The following DIDO1 variants were observed in gnomAD, a reference collection of about 807,000 sequenced individuals.
DIDO1 encodes death inducer-obliterator 1.
A neutral mutation model predicts 99.4 loss-of-function variants in DIDO1; 16 were observed. The observed-to-expected ratio is 0.16, with a 90% CI of 0.11 to 0.24. The LOEUF is 0.24. Among genes scored for constraint, DIDO1 ranks in the 10% least tolerant of loss-of-function variants. DIDO1 has a pLI of 1.00. For missense variants in DIDO1, 2,996 were observed against 3,014.0 expected (o/e 0.99, Z 0.14); for synonymous variants, 1,366 against 1,239.1 (o/e 1.10, Z -2.15).
intron 6 of DIDO1, among the ~76,000 whole-genome samples, chr20:62,897,311 G>A (rs1039788624): frequency 5.9e-5 from 9 of 152,198 alleles, no homozygotes; most frequent in African/African-American, 2.2e-4. Context: ...CAAAGCTGAA[G>A]GACAATTTCC....
At chr20:62,921,632 A>ATT (rs34536561) in intron 1 of DIDO1, among the ~76,000 whole-genome samples, 4 of 133,716 alleles carry the variant, frequency 3.0e-5, no homozygotes, top group African/African-American at 5.7e-5. Context: ...GCTGCAGCCA[A>ATT]TTTTTTTTTT....
Position 62,910,932 on chromosome 20 carries a change from G to A in DIDO1, c.681C>T (p.Ser227=), listed in dbSNP as rs1025079483. The change falls in exon 3 of 16, where the codon TCC becomes TCT. Residue 227 remains serine, a synonymous_variant. Transcript: ENST00000395343. ...QEPENDQGVV[S]QAGKDDRESK... ...TCTCTCTGTCATCTTTCCCAGCCTG[G>A]GACACAACCCCCTGATCGTTCTCGG... 1.2e-6 allele frequency: 2 copies of A among 1,613,950 alleles called. No individual in the cohort carries two copies. The highest frequency in any genetic ancestry group is 2.7e-5 in the African/African-American group (2 of 74,872).
At position 62,911,462 on chromosome 20, in the gene DIDO1, G is replaced by A. The variant is rs751257985; in HGVS notation, c.151C>T (p.Pro51Ser). ...GDAEADPLEP[P>S]PPQQQLGLSL... is the part of the protein sequence containing the mutation. ...AGGCCCAGCTGCTGCTGTGGGGGTG[G>A]CGGCTCCAGTGGGTCAGCCTCCGCG... The change falls in exon 3 of 16, where the codon CCA becomes TCA. Residue 51 changes from proline (P) to serine (S), a missense_variant. Pro to Ser is a moderately conservative substitution (Grantham distance 74). Around this residue, in one of 5 missense-constraint regions of DIDO1, gnomAD observed 388 missense variants for 376.6 expected, o/e 1.03. Coordinates refer to ENST00000395343, the MANE Select transcript of DIDO1 (RefSeq NM_001193369.2). The surrounding 1 kb of genome is among the most constrained non-coding windows in gnomAD (Gnocchi z 7.0). 8.7e-6 allele frequency: 14 copies of A among 1,611,994 alleles called. No individual in the cohort carries two copies. In the East Asian group the frequency reaches 3.1e-4, roughly 36 times the overall value.
At position 62,894,996 on chromosome 20, in the gene DIDO1, T is replaced by C; in HGVS notation, c.2331+53A>G. 6.3e-7 allele frequency: 1 copy of C among 1,597,988 alleles called. No individual in the cohort carries two copies. The highest frequency in any genetic ancestry group is 8.6e-7 in the Non-Finnish European group (1 of 1,166,582). ...GCTTATGCAGCCGTCTATGAATTTA[T>C]TTCTATTAAGCTCGAGTCCTGGGTG... On this transcript the variant is annotated intron_variant, in intron 9 of 15. Transcript: ENST00000395343. This position sits in a 1 kb window ranked among gnomAD's most constrained non-coding sequence, Gnocchi z 4.4.
chr20:62,906,049 C>T lies in DIDO1; in HGVS notation c.1426G>A (p.Glu476Lys), dbSNP rs140153728. The change falls in exon 6 of 16, where the codon GAG (glutamate) becomes AAG (lysine). Residue 476 changes from glutamate (E) to lysine (K), a missense_variant. Transcript: ENST00000395343. ...VHKRPAPEKK[E>K]TTVKKAVVVP... ...ACCACTGCCTTCTTCACTGTGGTCT[C>T]TTTTTTTTCTGGAGCTGGTCTCTTG... The T allele has an allele frequency of 6.2e-6, 10 of 1,613,374 alleles. No homozygotes were observed. Among genetic ancestry groups the T allele is most frequent in the African/African-American group, 2.7e-5 (2 of 74,858 alleles).
chr20:62,901,941 C>T (rs964281714), intron 6 of DIDO1, among the ~76,000 whole-genome samples: 1 of 151,980 alleles, frequency 6.6e-6, no homozygotes, highest in Non-Finnish European at 1.5e-5. Context: ...TCTGTGACAC[C>T]GAGAATGCCG....
Position 62,905,985 on chromosome 20 carries a change from G to A in DIDO1, c.1490C>T (p.Ala497Val), listed in dbSNP as rs781113762. 6 of 1,614,060 alleles carry A rather than the reference G, an allele frequency of 3.7e-6. No homozygotes were observed. Among genetic ancestry groups the A allele is most frequent in the Non-Finnish European group, 5.1e-6 (6 of 1,180,044 alleles). The change falls in exon 6 of 16, where the codon GCT becomes GTT. Residue 497 changes from alanine (A) to valine (V), a missense_variant. Physicochemically the swap from Ala to Val is moderately conservative, Grantham distance 64. Around this residue, in one of 5 missense-constraint regions of DIDO1, gnomAD observed 898 missense variants for 972.7 expected, o/e 0.92. Coordinates refer to ENST00000395343, the MANE Select transcript of DIDO1 (RefSeq NM_001193369.2). ...CCACGACGGCGTGCTGCTCTCACAAGCTGCTTCCTTCCCGAGTGCTTCACT... is the reference window on the plus strand; with the variant it reads ...CCACGACGGCGTGCTGCTCTCACAAACTGCTTCCTTCCCGAGTGCTTCACT... ...ARSEALGKEA[A>V]CESSTPSWAS... is the part of the protein sequence containing the mutation.
intron 15 of DIDO1, among the ~76,000 whole-genome samples, chr20:62,883,525 T>C (rs2147357375): frequency 6.6e-6 from 1 of 152,204 alleles, no homozygotes; most frequent in Non-Finnish European, 1.5e-5. Context: ...ACCCCGTCTC[T>C]ACTAAGAATA....
chr20:62,928,012 G>A (rs1398229583), upstream of DIDO1, among the ~76,000 whole-genome samples: 1 of 152,152 alleles, frequency 6.6e-6, no homozygotes, highest in Non-Finnish European at 1.5e-5. Context: ...TGTTAAAGGA[G>A]GGCTCACATG....
At chr20:62,887,880 C>T (rs6011447) in intron 15 of DIDO1, 352,603 of 985,282 alleles carry the variant, frequency 0.36, 65,564 homozygotes, top group African/African-American at 0.64. Flanking sequence ...TGCCCCCCAC[C>T]GTGATGCTGA....
chr20:62,924,730 G>A (rs2065220235), intron 1 of DIDO1, among the ~76,000 whole-genome samples: 1 of 152,182 alleles, frequency 6.6e-6, no homozygotes, highest in Admixed American at 6.5e-5. Flanking sequence ...TGCAACATGG[G>A]CTGGGCTGTC....
upstream of DIDO1, among the ~76,000 whole-genome samples, chr20:62,927,803 G>A (rs2065279594): frequency 6.6e-6 from 1 of 152,222 alleles, no homozygotes; most frequent in Admixed American, 6.5e-5. Context: ...ATACAACGCA[G>A]CTTGTTTTTG....
At chr20:62,920,830 T>C (rs568713239) in intron 1 of DIDO1, among the ~76,000 whole-genome samples, 3 of 152,362 alleles carry the variant, frequency 2.0e-5, no homozygotes, top group South Asian at 2.1e-4. Context: ...ATCTTTCTCA[T>C]TGTTTTCGTC....
At chr20:62,935,814 A>G (rs1261274305) in intron 1 of DIDO1, among the ~76,000 whole-genome samples, 1 of 152,238 alleles carries the variant, frequency 6.6e-6, no homozygotes, top group Non-Finnish European at 1.5e-5. Flanking sequence ...AGAGGTAGTG[A>G]CAGGACTTCT....
At position 62,880,526 on chromosome 20, in the gene DIDO1, T is replaced by G. The variant is rs1464892998; in HGVS notation, c.5430A>C (p.Leu1810Phe). 6.2e-7 allele frequency: 1 copy of G among 1,612,858 alleles called. No individual in the cohort carries two copies. Among genetic ancestry groups the G allele is most frequent in the East Asian group, 2.2e-5 (1 of 44,850 alleles). Residue 1810 changes from leucine (L) to phenylalanine (F), a missense_variant, in exon 16 of 16, where the codon TTA becomes TTC. Leu to Phe is a conservative substitution (Grantham distance 22, BLOSUM62 0). Coordinates refer to ENST00000395343, the MANE Select transcript of DIDO1 (RefSeq NM_001193369.2). ...FGAQKGPIPS[L>F]FSGQHGPPPY... Reference sequence around the variant, plus strand: ...GAGGTGGCCCATGTTGCCCCGAGAATAAGGAAGGGATGGGCCCCTTCTGGG... The same window carrying G: ...GAGGTGGCCCATGTTGCCCCGAGAAGAAGGAAGGGATGGGCCCCTTCTGGG...
intron 1 of DIDO1, among the ~76,000 whole-genome samples, chr20:62,936,536 C>CA (rs1345390911): frequency 2.9e-5 from 4 of 139,094 alleles, no homozygotes; most frequent in Non-Finnish European, 4.7e-5. Flanking sequence ...GCCTGGGCAA[C>CA]AAAGTGAGAC....
At chr20:62,932,464 A>T (rs1049646154) in intron 1 of DIDO1, among the ~76,000 whole-genome samples, 3 of 152,264 alleles carry the variant, frequency 2.0e-5, no homozygotes, top group Non-Finnish European at 2.9e-5. Context: ...AAGAAAAGTC[A>T]GATCCCAAAC....
rs762510623 is a variant in DIDO1, at chr20:62,911,447, G to A, written c.166C>T (p.Gln56Ter). 6.2e-7 allele frequency: 1 copy of A among 1,612,264 alleles called. No homozygotes were observed. The highest frequency in any genetic ancestry group is 8.5e-7 in the Non-Finnish European group (1 of 1,179,194). The change falls in exon 3 of 16, where the codon CAG becomes TAG. Residue 56 changes from glutamine to a stop codon, truncating the protein, a stop_gained. Transcript: ENST00000395343. LOFTEE classifies it high-confidence loss of function. The surrounding 1 kb of genome is among the most constrained non-coding windows in gnomAD (Gnocchi z 7.0). ...CTGCGCCGCAGGGACAGGCCCAGCT[G>A]CTGCTGTGGGGGTGGCGGCTCCAGT... ...DPLEPPPPQQQLGLSLRRSGR... is the reference protein window; with the variant it reads ...DPLEPPPPQQ
rs562403820 is a variant in DIDO1 at position 62,894,887 on chromosome 20, T to C, written c.2359A>G (p.Asn787Asp). ...SVMESRTKLH[N>D]ESKKTAPRQE... The stretch of plus-strand genomic sequence containing the variant: ...CTGGGGGCCGTCTTCTTGCTTTCAT[T>C]GTGCAGTTTAGTTCTGGACTCCATC... Residue 787 changes from asparagine (N) to aspartate (D), a missense_variant, in exon 10 of 16, where the codon AAT becomes GAT. Physicochemically the swap from Asn to Asp is conservative, Grantham distance 23. This residue lies in a region of DIDO1 where 898 missense variants were observed against 972.7 expected (regional missense o/e 0.92). Transcript: ENST00000395343. This position sits in a 1 kb window ranked among gnomAD's most constrained non-coding sequence, Gnocchi z 4.4. The C allele has an allele frequency of 2.5e-6, 4 of 1,614,120 alleles. No individual in the cohort carries two copies. The African/African-American group carries it at 4.0e-5, about 16-fold the overall frequency.
Sources: allele counts gnomAD v4.1 joint callset (sites outside exome capture counted in the v4.1 genomes callset), GRCh38; gene constraint gnomAD v4.1.1; regional missense constraint gnomAD v4.1.1; non-coding constraint Gnocchi (gnomAD v3.1); transcripts MANE v1.5; gene names NCBI Gene and HGNC (gene_info 2026-07-23, HGNC 2026-07-21).